The following EFCC1 variants were observed in gnomAD, a reference collection of about 807,000 sequenced individuals.
The protein encoded by EFCC1 is EF-hand and coiled-coil domain containing 1.
Under a neutral mutation model 52.1 loss-of-function variants are expected in EFCC1, and 50 were observed. That is an observed-to-expected ratio of 0.96 (90% confidence interval 0.76 to 1.21). The LOEUF (loss-of-function observed/expected upper bound fraction) is 1.21. EFCC1 is among the 50% of genes most tolerant of loss of function. The pLI, the probability that EFCC1 is intolerant of heterozygous loss-of-function variation, is 0.00. For missense variants in EFCC1, 837 were observed against 867.3 expected (o/e 0.97, Z 0.44); for synonymous variants, 399 against 396.5 (o/e 1.01, Z -0.08).
At chr3:129,009,418 C>G (rs1945219359) in intron 2 of EFCC1, among the ~76,000 whole-genome samples, 1 of 152,192 alleles carries the variant, frequency 6.6e-6, no homozygotes, top group Non-Finnish European at 1.5e-5. Context: ...AGGCTAATAT[C>G]CCCAAAGCTC....
At chr3:129,009,339 TACC>T (rs1417663609) in intron 2 of EFCC1, among the ~76,000 whole-genome samples, 1 of 152,200 alleles carries the variant, frequency 6.6e-6, no homozygotes, top group African/African-American at 2.4e-5. Context: ...CACGTAGTGT[TACC>T]ACGATATACT....
chr3:129,001,586 G>C lies in EFCC1; in HGVS notation c.-43G>C. Reference sequence around the variant, plus strand: ...CGCCCCTGGAAGTGGCGGGGCGAAGGGACCGGAGGAGGGACCGGAGGAGCG... The same window carrying C: ...CGCCCCTGGAAGTGGCGGGGCGAAGCGACCGGAGGAGGGACCGGAGGAGCG... On this transcript the variant is annotated 5_prime_UTR_variant, in exon 1 of 8. Coordinates refer to ENST00000683648, the MANE Select transcript of EFCC1 (RefSeq NM_001377500.1). 1 of 1,347,658 alleles carries C rather than the reference G, an allele frequency of 7.4e-7. No homozygotes were observed. The highest frequency in any genetic ancestry group is 9.5e-7 in the Non-Finnish European group (1 of 1,055,816). The allele number at this position is 1,347,658 out of a possible 1,614,324, so 83.5% of individuals were successfully genotyped here.
intron 4 of EFCC1, 114 bp from the exon 5 acceptor site, chr3:129,034,050 G>A (rs1467092510): frequency 2.9e-6 from 4 of 1,361,212 alleles, no homozygotes; most frequent in South Asian, 2.6e-5. Flanking sequence ...CAGGTGCCGT[G>A]GCCTGGCTTT....
chr3:129,022,053 C>G (rs1007340344), intron 2 of EFCC1, among the ~76,000 whole-genome samples: 1 of 152,192 alleles, frequency 6.6e-6, no homozygotes, highest in Non-Finnish European at 1.5e-5. Flanking sequence ...TCACAGCACC[C>G]AGAACTCACC....
intron 7 of EFCC1, among the ~76,000 whole-genome samples, chr3:129,039,269 C>T (rs556975297): frequency 1.3e-5 from 2 of 152,246 alleles, no homozygotes; most frequent in Non-Finnish European, 1.5e-5. Flanking sequence ...GTGCTGGCCA[C>T]GCCCGAGGCT....
rs747642069 is a variant in EFCC1 at position 129,039,995 on chromosome 3, C to G, written c.*147C>G. The G allele has an allele frequency of 5.3e-6, 6 of 1,142,554 alleles. No homozygotes were observed. Among genetic ancestry groups the G allele is most frequent in the Admixed American group, 6.9e-5 (2 of 29,182 alleles). The allele number at this position is 1,142,554 out of a possible 1,614,324, so 70.8% of individuals were successfully genotyped here. A position where few individuals can be genotyped will look rare whatever the true frequency, so the allele number is the denominator to read the frequency against. On this transcript the variant is annotated 3_prime_UTR_variant, in exon 8 of 8. Coordinates refer to ENST00000683648, the MANE Select transcript of EFCC1 (RefSeq NM_001377500.1). The stretch of plus-strand genomic sequence containing the variant: ...TGCTGGCTCCTTCCAAGGTTAAGCC[C>G]GAGCCCAGAGCCTCCCATTGCAGCA...
intron 1 of EFCC1, chr3:129,003,347 T>A: frequency 1.1e-6 from 1 of 929,226 alleles, no homozygotes; most frequent in Non-Finnish European, 1.3e-6. Flanking sequence ...AACACACCAG[T>A]AAAGACAGAT....
chr3:129,028,526 G>A (rs7642885), intron 2 of EFCC1, among the ~76,000 whole-genome samples: 22 of 152,010 alleles, frequency 1.4e-4, no homozygotes, highest in South Asian at 2.1e-4. Context: ...AGTGGTGCAC[G>A]CTTACCTTTA....
chr3:129,015,898 C>T (rs1017263749), intron 2 of EFCC1, among the ~76,000 whole-genome samples: 2 of 152,152 alleles, frequency 1.3e-5, no homozygotes, highest in East Asian at 1.9e-4. Context: ...CCGCTGTGTG[C>T]GAACCTCCAG....
At chr3:129,031,001 G>A (rs1284744164) in intron 3 of EFCC1, 141 bp downstream of exon 3, 1 of 1,189,468 alleles carries the variant, frequency 8.4e-7, no homozygotes, top group East Asian at 2.6e-5. Context: ...GCTCAGGCTG[G>A]GCTGGGGCCC....
chr3:129,008,028 C>T (rs1369466694), intron 2 of EFCC1, among the ~76,000 whole-genome samples: 1 of 152,220 alleles, frequency 6.6e-6, no homozygotes, highest in African/African-American at 2.4e-5. Context: ...TTTGGCAGGG[C>T]CATGATCCTT....
In EFCC1 at chr3:129,036,949, G is replaced by C. The variant is rs376107962; in HGVS notation, c.1453-28G>C. The C allele has an allele frequency of 1.9e-6, 3 of 1,613,340 alleles. No homozygotes were observed. In the African/African-American group the frequency reaches 4.0e-5, roughly 22 times the overall value. On this transcript the variant is annotated intron_variant, in intron 5 of 7. Transcript: ENST00000683648. ...TGGAAGGCTGGGAGAGGCCAGCAAA[G>C]TGAGCACTGAGCCCCTTCTCTTCCC... is the stretch of plus-strand genomic sequence containing the variant.
intron 1 of EFCC1, 100 bp downstream of exon 1, chr3:129,002,424 G>A (rs2107847427): frequency 7.0e-7 from 1 of 1,418,746 alleles, no homozygotes; most frequent in Middle Eastern, 2.6e-4. Flanking sequence ...TCAGAGGAAG[G>A]GGAGACAGAG....
intron 2 of EFCC1, 88 bp downstream of exon 2, chr3:129,004,165 G>T: frequency 1.5e-6 from 2 of 1,333,746 alleles, no homozygotes; most frequent in Non-Finnish European, 1.9e-6. Context: ...CCTCCCACGC[G>T]CTCTCGTGTT....
chr3:129,003,722 T>C, intron 1 of EFCC1, 72 bp from the exon 2 acceptor site: 1 of 1,259,146 alleles, frequency 7.9e-7, no homozygotes, highest in Non-Finnish European at 1.0e-6. Context: ...GGGGCCGCCG[T>C]CGTGGCGGGC....
chr3:129,033,107 G>C (rs1276190116), intron 4 of EFCC1, 141 bp downstream of exon 4: 3 of 1,293,592 alleles, frequency 2.3e-6, no homozygotes, highest in East Asian at 2.8e-5. Flanking sequence ...TGTCCCTCAG[G>C]GGGAGGTGGG....
chr3:129,025,835 T>C (rs1249965178), intron 2 of EFCC1, among the ~76,000 whole-genome samples: 1 of 152,250 alleles, frequency 6.6e-6, no homozygotes, highest in Non-Finnish European at 1.5e-5. Flanking sequence ...TCCTCATCTG[T>C]CCTGCTCTCC....
Position 129,001,850 on chromosome 3 carries a change from GC to G in EFCC1, c.226del (p.Arg76AlafsTer33). 6.5e-7 allele frequency: 1 copy of G among 1,545,932 alleles called. No individual in the cohort carries two copies. Among genetic ancestry groups the G allele is most frequent in the Non-Finnish European group, 8.7e-7 (1 of 1,145,588 alleles). On this transcript the variant is annotated frameshift_variant, in exon 1 of 8. Coordinates refer to ENST00000683648, the MANE Select transcript of EFCC1 (RefSeq NM_001377500.1). LOFTEE classifies it high-confidence loss of function. ...HLDCRGAGRL[P>X]RADFRALCAV... Reference sequence around the variant, plus strand: ...TGGACTGCCGCGGCGCCGGCCGTCTGCCCCGCGCCGACTTCCGAGCGCTCTG... The same window carrying G: ...TGGACTGCCGCGGCGCCGGCCGTCTGCCCGCGCCGACTTCCGAGCGCTCTG...
chr3:129,038,717 C>G (rs2306529), intron 6 of EFCC1, 114 bp from the exon 7 acceptor site: 467,243 of 1,002,652 alleles, frequency 0.47, 110,395 homozygotes, highest in East Asian at 0.61. Context: ...GGGGGAGGAG[C>G]TTTATCTGTC....
Sources: allele counts gnomAD v4.1 joint callset (sites outside exome capture counted in the v4.1 genomes callset), GRCh38; gene constraint gnomAD v4.1.1; transcripts MANE v1.5; gene names NCBI Gene and HGNC (gene_info 2026-07-23, HGNC 2026-07-21).